ARHGEF33: variants seen among roughly 807,000 people sequenced by gnomAD.
The protein encoded by ARHGEF33 is DH and coiled-coil domain-containing protein ENSP00000381780.
ARHGEF33 carries 72 observed loss-of-function variants against 101.9 expected under a neutral mutation model. The ratio of observed to expected loss-of-function variants is 0.71; its 90% CI spans 0.58 to 0.86. The LOEUF is 0.86. Ranked by LOEUF, ARHGEF33 falls within the 40% of genes least tolerant of loss-of-function variation. ARHGEF33 has a pLI of 0.00. For missense variants in ARHGEF33, 1,169 were observed against 1,111.3 expected, an observed-to-expected ratio of 1.05 and a Z score of -0.74; for synonymous variants, 499 against 442.5, an observed-to-expected ratio of 1.13 and a Z score of -1.60.
intron 4 of ARHGEF33, among the ~76,000 whole-genome samples, chr2:38,922,579 G>A (rs907574043): frequency 6.6e-6 from 1 of 152,136 alleles, no homozygotes; most frequent in Non-Finnish European, 1.5e-5. Flanking sequence ...GGGGGAAAGG[G>A]CCTCATTTCA....
At position 38,974,394 on chromosome 2, in the gene ARHGEF33, A is replaced by G. The variant is rs1263751676; in HGVS notation, c.*551A>G. The stretch of plus-strand genomic sequence containing the variant: ...AACAGAACTGTATTTTATATGTTGC[A>G]TATCTGAGTTATGGAGAATTTGTGC... On this transcript the variant is annotated 3_prime_UTR_variant, in exon 18 of 18. Transcript: ENST00000409978. 4 of 152,352 alleles carry G rather than the reference A, an allele frequency of 2.6e-5. No individual in the cohort carries two copies. The highest frequency in any genetic ancestry group is 1.9e-4 in the East Asian group (1 of 5,190). The allele number at this position is 152,352 out of a possible 1,614,324, so 9.4% of individuals were successfully genotyped here.
chr2:38,950,693 G>A (rs1229067038), intron 10 of ARHGEF33, among the ~76,000 whole-genome samples: 1 of 152,104 alleles, frequency 6.6e-6, no homozygotes, highest in African/African-American at 2.4e-5. Context: ...CAGGTGATCC[G>A]CCCAACTCCC....
chr2:38,960,556 G>T lies in ARHGEF33; in HGVS notation c.2251G>T (p.Ala751Ser), dbSNP rs1156737042. The T allele has an allele frequency of 1.6e-6, 2 of 1,274,304 alleles. No homozygotes were observed. The highest frequency in any genetic ancestry group is 2.0e-6 in the Non-Finnish European group (2 of 995,732). The allele number at this position is 1,274,304 out of a possible 1,614,324, so 78.9% of individuals were successfully genotyped here. ...ERAAQAHGPAAAAVAARGASR... is the reference protein window; with the variant it reads ...ERAAQAHGPASAAVAARGASR... ...CGCCGCGCAGGCGCACGGCCCGGCC[G>T]CCGCCGCCGTCGCCGCCCGCGGCGC... The change falls in exon 16 of 18, where the codon GCC (alanine) becomes TCC (serine). Residue 751 changes from alanine (A) to serine (S), a missense_variant. Ala to Ser is a moderately conservative substitution (Grantham distance 99, BLOSUM62 1). Coordinates refer to ENST00000409978, the MANE Select transcript of ARHGEF33 (RefSeq NM_001145451.5).
At chr2:38,926,658 G>A (rs1203926584) in intron 4 of ARHGEF33, among the ~76,000 whole-genome samples, 2 of 152,124 alleles carry the variant, frequency 1.3e-5, no homozygotes, top group African/African-American at 4.8e-5. Context: ...TGGCTGTTAG[G>A]GGAAAATTTT....
At chr2:38,899,320 A>G (rs974960563) in intron 2 of ARHGEF33, among the ~76,000 whole-genome samples, 3 of 152,210 alleles carry the variant, frequency 2.0e-5, no homozygotes, top group African/African-American at 7.2e-5. Flanking sequence ...TAAAATTGCT[A>G]GTATAAACAG....
chr2:38,953,309 C>A, intron 12 of ARHGEF33, 64 bp downstream of exon 12: 1 of 965,802 alleles, frequency 1.0e-6, no homozygotes, highest in Non-Finnish European at 1.6e-6. Flanking sequence ...TGTTGCTCAT[C>A]CACCCAGTCA....
At chr2:38,909,562 C>A (rs866717073) in intron 2 of ARHGEF33, among the ~76,000 whole-genome samples, 2 of 147,180 alleles carry the variant, frequency 1.4e-5, no homozygotes, top group African/African-American at 5.0e-5. Context: ...TGGTCTCAAA[C>A]TTCTGGGCTA....
Position 38,921,377 on chromosome 2 carries a change from A to G in ARHGEF33, c.29A>G (p.Glu10Gly), listed in dbSNP as rs941352739. The change falls in exon 4 of 18, where the codon GAG becomes GGG. Residue 10 changes from glutamate to glycine, a missense_variant. Coordinates refer to ENST00000409978, the MANE Select transcript of ARHGEF33 (RefSeq NM_001145451.5). Reference sequence around the variant, plus strand: ...ACAAAGCTCTTTCTCCCTGCAGGAGAGAATGAACATATGCCGGTGAATAAT... The same window carrying G: ...ACAAAGCTCTTTCTCCCTGCAGGAGGGAATGAACATATGCCGGTGAATAAT... MEKTKTKQGENEHMPVNNPS... is the reference protein window; with the variant it reads MEKTKTKQGGNEHMPVNNPS... 6.5e-7 allele frequency: 1 copy of G among 1,539,698 alleles called. No individual in the cohort carries two copies. The highest frequency in any genetic ancestry group is 8.8e-7 in the Non-Finnish European group (1 of 1,135,982).
chr2:38,927,788 G>T (rs1256768363), intron 4 of ARHGEF33, among the ~76,000 whole-genome samples: 2 of 152,182 alleles, frequency 1.3e-5, no homozygotes, highest in Non-Finnish European at 2.9e-5. Context: ...GGAGCTAAGA[G>T]TTCCTCCACT....
chr2:38,924,150 CA>C (rs1484501102), intron 4 of ARHGEF33, among the ~76,000 whole-genome samples: 1 of 151,704 alleles, frequency 6.6e-6, no homozygotes, highest in Non-Finnish European at 1.5e-5. Flanking sequence ...GACAATTTAC[CA>C]AAGTAAAATT....
chr2:38,946,226 G>C (rs1178511726), intron 10 of ARHGEF33, among the ~76,000 whole-genome samples: 2 of 152,128 alleles, frequency 1.3e-5, no homozygotes, highest in Non-Finnish European at 2.9e-5. Flanking sequence ...TAAAGAGAAG[G>C]CCCTTATTGA....
intron 14 of ARHGEF33, 29 bp from the exon 15 acceptor site, chr2:38,958,005 C>G (rs1558442861): frequency 1.9e-6 from 3 of 1,551,760 alleles, no homozygotes; most frequent in Non-Finnish European, 2.6e-6. Context: ...CACTGTACAA[C>G]CTGAGAACTG....
At chr2:38,945,206 G>A (rs886941868) in intron 10 of ARHGEF33, among the ~76,000 whole-genome samples, 2 of 152,092 alleles carry the variant, frequency 1.3e-5, no homozygotes, top group Admixed American at 1.3e-4. Context: ...CATAAATTCT[G>A]AATCTACCCA....
rs762663934 is a variant in ARHGEF33 at position 38,918,249 on chromosome 2, C to T, written c.-85-1114C>T. Among the ~76,000 whole-genome samples, 61 of 152,308 alleles carry T rather than the reference C, an allele frequency of 4.0e-4. 2 individuals are homozygous for T. Among genetic ancestry groups the T allele is most frequent in the South Asian group, 1.7e-3 (8 of 4,826 alleles). Reference sequence around the variant, plus strand: ...TATTTCTAACAGATAATGGTCACCACCACTACCCTCGCTGCCACTGCTGTC... The same window carrying T: ...TATTTCTAACAGATAATGGTCACCATCACTACCCTCGCTGCCACTGCTGTC... On this transcript the variant is annotated intron_variant, in intron 2 of 17. Transcript: ENST00000409978.
chr2:38,924,707 A>G (rs1304910216), intron 4 of ARHGEF33, among the ~76,000 whole-genome samples: 1 of 152,192 alleles, frequency 6.6e-6, no homozygotes, highest in African/African-American at 2.4e-5. Context: ...ATATACAGCC[A>G]TATTGCTATA....
At position 38,931,119 on chromosome 2, in the gene ARHGEF33, A is replaced by T; in HGVS notation, c.373A>T (p.Lys125Ter). Residue 125 changes from lysine to a stop codon, truncating the protein, a stop_gained, in exon 7 of 18, where the codon AAA (lysine) becomes TAA (stop). Coordinates refer to ENST00000409978, the MANE Select transcript of ARHGEF33 (RefSeq NM_001145451.5). LOFTEE classifies it high-confidence loss of function. ...GTTTCTCTTTCCTAGGAAAACTCAA[A>T]AAGAAGAGCACAGCTCACAGGCCGG... ...SRKVKAKKTQ[K>*]EEHSSQAGPA... The T allele has an allele frequency of 6.5e-7, 1 of 1,541,626 alleles. No individual in the cohort carries two copies. Among genetic ancestry groups the T allele is most frequent in the Non-Finnish European group, 8.7e-7 (1 of 1,144,510 alleles).
chr2:38,959,768 G>A (rs576113847), intron 15 of ARHGEF33, 73 bp from the exon 16 acceptor site: 3 of 1,434,830 alleles, frequency 2.1e-6, no homozygotes, highest in African/African-American at 2.9e-5. Flanking sequence ...GCCCCGAGGG[G>A]CGCCGGCAGG....
intron 7 of ARHGEF33, 184 bp downstream of exon 7, chr2:38,931,435 A>T: frequency 1.9e-6 from 1 of 522,544 alleles, no homozygotes; most frequent in East Asian, 3.1e-5. Context: ...GCCCAGTTTT[A>T]AATATTTTTT....
Position 38,905,184 on chromosome 2 carries a change from GA to G in ARHGEF33, c.-86+9346del, listed in dbSNP as rs776685608. 1.2e-3 allele frequency among the ~76,000 whole-genome samples: 163 copies of G among 141,290 alleles called. 1 individual carries two copies. The highest frequency in any genetic ancestry group is 3.6e-3 in the Middle Eastern group (1 of 280). The allele number at this position is 141,290 out of a possible 152,430, so 92.7% of individuals were successfully genotyped here. On this transcript the variant is annotated intron_variant, in intron 2 of 17. Transcript: ENST00000409978. ...GGTGACCAAGGACATTCATTTAGCC[GA>G]AAAAAAAAAAGCCAGTTTTGTTTCC... is the stretch of plus-strand genomic sequence containing the variant.
Sources: allele counts gnomAD v4.1 joint callset (sites outside exome capture counted in the v4.1 genomes callset), GRCh38; gene constraint gnomAD v4.1.1; transcripts MANE v1.5; gene names NCBI Gene and HGNC (gene_info 2026-07-23, HGNC 2026-07-21).